NKAIN3: variants seen among roughly 807,000 people sequenced by gnomAD.
The protein encoded by NKAIN3 is sodium/potassium transporting ATPase interacting 3, also known as sodium/potassium-transporting ATPase subunit beta-1-interacting protein 3.
Under a neutral mutation model 30.2 loss-of-function variants are expected in NKAIN3, and 25 were observed. That is an observed-to-expected ratio of 0.83 (90% confidence interval 0.60 to 1.16). The LOEUF (loss-of-function observed/expected upper bound fraction) is 1.16, where lower values mean the gene tolerates loss of function less well. Ranked by LOEUF, NKAIN3 falls within the 50% of genes most tolerant of loss-of-function variation. The pLI is 0.00. For synonymous variants in NKAIN3, 91 were observed against 89.6 expected (o/e 1.02, Z -0.09); for missense variants, 225 against 254.1 (o/e 0.89, Z 0.78).
intron 3 of NKAIN3, among the ~76,000 whole-genome samples, chr8:62,592,122 C>T (rs562361866): frequency 6.6e-6 from 1 of 152,068 alleles, no homozygotes; most frequent in South Asian, 2.1e-4. Context: ...TTTCCACAAC[C>T]TCTCTGTGGA....
Position 62,248,857 on chromosome 8 carries a change from A to G in NKAIN3, c.-217A>G. The G allele has an allele frequency of 3.9e-6, 2 of 514,740 alleles. No individual in the cohort carries two copies. The highest frequency in any genetic ancestry group is 2.6e-5 in the South Asian group (1 of 38,474). 31.9% of individuals were successfully genotyped at this position (514,740 alleles called of 1,614,324 possible). A position where few individuals can be genotyped will look rare whatever the true frequency, so the allele number is the denominator to read the frequency against. ...ACAGTGGGACGCAGGGACCCCCGCC[A>G]GACGCTCGGGTCGTGCGCACCGCAC... On this transcript the variant is annotated 5_prime_UTR_variant, in exon 1 of 7. Transcript: ENST00000623646.
chr8:62,589,858 A>C, intron 3 of NKAIN3, 64 bp downstream of exon 3: 1 of 793,060 alleles, frequency 1.3e-6, no homozygotes, highest in Non-Finnish European at 2.2e-6. Context: ...TTGTGACTAC[A>C]TACATATATA....
At chr8:62,508,524 C>T (rs1042782578) in intron 1 of NKAIN3, among the ~76,000 whole-genome samples, 11 of 152,128 alleles carry the variant, frequency 7.2e-5, no homozygotes, top group African/African-American at 2.7e-4. Flanking sequence ...CCAAGCCCCT[C>T]ATTGTCCGGG....
rs1823711537 is a variant in NKAIN3 at position 62,966,284 on chromosome 8, T to C, written c.*877T>C. ...CCTGAAAATGCTGTAGCATTCTCTA[T>C]AAATACTTCTAAAGGAGACATTCAC... is the stretch of plus-strand genomic sequence containing the variant. On this transcript the variant is annotated 3_prime_UTR_variant, in exon 7 of 7. Coordinates refer to ENST00000623646, the MANE Select transcript of NKAIN3 (RefSeq NM_001304533.3). 3 of 985,014 alleles carry C rather than the reference T, an allele frequency of 3.0e-6. No individual in the cohort carries two copies. The African/African-American group carries it at 5.2e-5, about 17-fold the overall frequency. 61.0% of individuals were successfully genotyped at this position (985,014 alleles called of 1,614,324 possible). A position where few individuals can be genotyped will look rare whatever the true frequency, so the allele number is the denominator to read the frequency against.
At chr8:62,325,666 A>G (rs1815092658) in intron 1 of NKAIN3, among the ~76,000 whole-genome samples, 1 of 152,026 alleles carries the variant, frequency 6.6e-6, no homozygotes, top group South Asian at 2.1e-4. Context: ...CTTTTTAATT[A>G]TGGTCATTCT....
At chr8:62,681,769 G>A (rs985726711) in intron 3 of NKAIN3, among the ~76,000 whole-genome samples, 2 of 152,030 alleles carry the variant, frequency 1.3e-5, no homozygotes, top group Non-Finnish European at 2.9e-5. Context: ...TTGAATATTG[G>A]TCATGCCGCT....
At chr8:62,631,946 C>T (rs1036313693) in intron 3 of NKAIN3, among the ~76,000 whole-genome samples, 1 of 152,162 alleles carries the variant, frequency 6.6e-6, no homozygotes, top group Non-Finnish European at 1.5e-5. Context: ...ATCACAATGT[C>T]TGATTCAAGT....
At chr8:62,447,700 A>G (rs1292938251) in intron 1 of NKAIN3, among the ~76,000 whole-genome samples, 2 of 152,062 alleles carry the variant, frequency 1.3e-5, no homozygotes, top group African/African-American at 2.4e-5. Context: ...ATTCATCAGA[A>G]GCAGAAATTC....
At chr8:62,761,037 A>G (rs2130616237) in intron 4 of NKAIN3, among the ~76,000 whole-genome samples, 1 of 151,644 alleles carries the variant, frequency 6.6e-6, no homozygotes, top group East Asian at 2.0e-4. Flanking sequence ...TACCTTTTCT[A>G]TTTCTCCTAG....
At chr8:62,637,920 G>A (rs1425029557) in intron 3 of NKAIN3, among the ~76,000 whole-genome samples, 1 of 152,070 alleles carries the variant, frequency 6.6e-6, no homozygotes, top group Admixed American at 6.5e-5. Flanking sequence ...CACCATTCTG[G>A]GAAGGCAGAG....
intron 1 of NKAIN3, among the ~76,000 whole-genome samples, chr8:62,399,840 C>G (rs955421875): frequency 6.6e-6 from 1 of 152,140 alleles, no homozygotes; most frequent in East Asian, 1.9e-4. Context: ...AAAACATCAG[C>G]TAACATGCTT....
At chr8:62,631,955 G>C (rs1811976525) in intron 3 of NKAIN3, among the ~76,000 whole-genome samples, 1 of 152,136 alleles carries the variant, frequency 6.6e-6, no homozygotes, top group Non-Finnish European at 1.5e-5. Flanking sequence ...TCTGATTCAA[G>C]TTAGGCACTG....
chr8:62,444,337 C>G (rs1156396379), intron 1 of NKAIN3, among the ~76,000 whole-genome samples: 1 of 151,968 alleles, frequency 6.6e-6, no homozygotes, highest in Non-Finnish European at 1.5e-5. Flanking sequence ...AACACTAGAC[C>G]TTATTTCTTC....
In NKAIN3 at chr8:62,375,227, G is replaced by A. The variant is rs190541378; in HGVS notation, c.54+126100G>A. On this transcript the variant is annotated intron_variant, in intron 1 of 6. Coordinates refer to ENST00000623646, the MANE Select transcript of NKAIN3 (RefSeq NM_001304533.3). ...AATCTGTCACCTATTAAATGGGACC[G>A]ATGTCATCAGGCCTATATTCTTCAC... 2.9e-3 allele frequency among the ~76,000 whole-genome samples: 447 copies of A among 152,296 alleles called. 2 individuals carry two copies. The highest frequency in any genetic ancestry group is 7.9e-3 in the African/African-American group (327 of 41,566).
At chr8:62,715,063 A>C (rs961463938) in intron 3 of NKAIN3, among the ~76,000 whole-genome samples, 1 of 152,150 alleles carries the variant, frequency 6.6e-6, no homozygotes, top group Non-Finnish European at 1.5e-5. Flanking sequence ...ATGGGGAAGC[A>C]GGTACATTAT....
chr8:62,902,357 G>A (rs1821638749), intron 4 of NKAIN3, among the ~76,000 whole-genome samples: 1 of 152,222 alleles, frequency 6.6e-6, no homozygotes, highest in Admixed American at 6.5e-5. Context: ...AGATGGGAAT[G>A]TGGGACAGAG....
chr8:62,358,481 G>A (rs376420254), intron 1 of NKAIN3, among the ~76,000 whole-genome samples: 19 of 152,190 alleles, frequency 1.2e-4, no homozygotes, highest in South Asian at 1.2e-3. Context: ...AGATATAAAT[G>A]AGTTCCCATT....
chr8:62,813,204 T>C (rs1158563543), intron 4 of NKAIN3, among the ~76,000 whole-genome samples: 7 of 151,972 alleles, frequency 4.6e-5, no homozygotes, highest in Non-Finnish European at 1.0e-4. Context: ...TTTCTATTGG[T>C]CTATGTGTTT....
At chr8:62,989,508 A>G (rs903911165), downstream of NKAIN3, among the ~76,000 whole-genome samples, 1 of 152,110 alleles carries the variant, frequency 6.6e-6, no homozygotes, top group African/African-American at 2.4e-5. Context: ...CTTATTCACT[A>G]TCACAAGATC....
Sources: allele counts gnomAD v4.1 joint callset (sites outside exome capture counted in the v4.1 genomes callset), GRCh38; gene constraint gnomAD v4.1.1; transcripts MANE v1.5; gene names NCBI Gene and HGNC (gene_info 2026-07-23, HGNC 2026-07-21).